The following CCDC92 variants were observed in gnomAD, a reference collection of about 807,000 sequenced individuals.
CCDC92 encodes the protein coiled-coil domain containing 92, also known as coiled-coil domain-containing protein 92.
Under a neutral mutation model 24.9 loss-of-function variants are expected in CCDC92, and 12 were observed. That is an observed-to-expected ratio of 0.48 (90% CI 0.31 to 0.78). CCDC92 has a LOEUF of 0.78. Ranked by LOEUF, CCDC92 falls within the 30% of genes least tolerant of loss-of-function variation. The pLI, the probability that CCDC92 is intolerant of heterozygous loss-of-function variation, is 0.05. For missense variants in CCDC92, 399 were observed against 439.4 expected, an observed-to-expected ratio of 0.91 and a Z score of 0.82; for synonymous variants, 193 against 196.3, an observed-to-expected ratio of 0.98 and a Z score of 0.14.
chr12:123,954,326 G>A (rs1191415824), intron 1 of CCDC92, among the ~76,000 whole-genome samples: 1 of 152,142 alleles, frequency 6.6e-6, no homozygotes, highest in Non-Finnish European at 1.5e-5. Context: ...ATACATTCCT[G>A]TCATTCTCTG....
At chr12:123,956,632 A>C (rs1475841315) in intron 1 of CCDC92, among the ~76,000 whole-genome samples, 3 of 152,238 alleles carry the variant, frequency 2.0e-5, no homozygotes, top group Non-Finnish European at 4.4e-5. Context: ...CAAAACAGCT[A>C]TCCATTAAGA....
At chr12:123,954,843 G>A (rs1458113881) in intron 1 of CCDC92, among the ~76,000 whole-genome samples, 1 of 152,232 alleles carries the variant, frequency 6.6e-6, no homozygotes, top group Non-Finnish European at 1.5e-5. Context: ...CCAGCGGGCG[G>A]CAGACCCCAC....
intron 4 of CCDC92, among the ~76,000 whole-genome samples, chr12:123,938,778 C>T (rs1180605662): frequency 6.6e-6 from 1 of 152,222 alleles, no homozygotes; most frequent in Admixed American, 6.5e-5. Context: ...CCCTCAAGTC[C>T]AGATAGCTGC....
At chr12:123,967,056 C>T (rs1240751005) in intron 1 of CCDC92, among the ~76,000 whole-genome samples, 4 of 152,118 alleles carry the variant, frequency 2.6e-5, no homozygotes, top group Non-Finnish European at 5.9e-5. Flanking sequence ...CACAGTCTTA[C>T]TGTACTAATA....
At chr12:123,949,382 C>G (rs1006660943) in intron 1 of CCDC92, among the ~76,000 whole-genome samples, 2 of 152,258 alleles carry the variant, frequency 1.3e-5, no homozygotes, top group African/African-American at 4.8e-5. Flanking sequence ...ATTTGCTCAA[C>G]CAAAGGCGGC....
At chr12:123,945,630 G>A (rs1955824242) in intron 1 of CCDC92, 1 of 152,246 alleles carries the variant, frequency 6.6e-6, no homozygotes, top group Non-Finnish European at 1.5e-5. Context: ...AGAGCTGTCA[G>A]TAGCGGTGCC....
chr12:123,946,025 C>CCCCGCCATCCATTTCCAGTCCATGATTA, intron 1 of CCDC92: 1 of 153,496 alleles, frequency 6.5e-6, no homozygotes, highest in South Asian at 1.7e-4. Flanking sequence ...TGCTGGCATC[C>CCCCGCCATCCATTTCCAGTCCATGATTA]TGCTTTGAAA....
intron 2 of CCDC92, 140 bp from the exon 3 acceptor site, chr12:123,943,633 G>A: frequency 1.2e-6 from 1 of 857,750 alleles, no homozygotes; most frequent in East Asian, 2.5e-5. Context: ...GGCAGGGTGT[G>A]GGGGCACCAG....
intron 1 of CCDC92, chr12:123,962,749 T>C (rs1375980932): frequency 6.6e-6 from 1 of 152,420 alleles, no homozygotes; most frequent in Non-Finnish European, 1.5e-5. Context: ...GGCCTGCTTC[T>C]GCAGTCTGAC....
intron 1 of CCDC92, chr12:123,962,943 C>A (rs1469464921): frequency 6.6e-6 from 1 of 152,168 alleles, no homozygotes; most frequent in African/African-American, 2.4e-5. Context: ...AATGAAAGAA[C>A]ACGGGGTTCT....
In CCDC92 at chr12:123,937,854, A is replaced by G; in HGVS notation, c.224-24T>C. ...TCCTACAAGAATAAGCCGAGGAAGCAGGTGAAGAACTCATTAGACTGAGGC... is the reference window on the plus strand; with the variant it reads ...TCCTACAAGAATAAGCCGAGGAAGCGGGTGAAGAACTCATTAGACTGAGGC... On this transcript the variant is annotated intron_variant, in intron 4 of 4. Transcript: ENST00000238156. This position sits in a 1 kb window ranked among gnomAD's most constrained non-coding sequence, Gnocchi z 8.4. 6.3e-7 allele frequency: 1 copy of G among 1,582,142 alleles called. No homozygotes were observed. The highest frequency in any genetic ancestry group is 8.5e-7 in the Non-Finnish European group (1 of 1,169,894).
At chr12:123,940,004 C>G (rs1256552078) in intron 4 of CCDC92, among the ~76,000 whole-genome samples, 1 of 152,246 alleles carries the variant, frequency 6.6e-6, no homozygotes, top group Non-Finnish European at 1.5e-5. Flanking sequence ...GGGCTGCAAC[C>G]TCAGACCTTC....
intron 1 of CCDC92, chr12:123,956,401 C>G (rs753139078): frequency 1.3e-5 from 2 of 152,082 alleles, no homozygotes; most frequent in African/African-American, 4.8e-5. Flanking sequence ...AGAGCTCCAG[C>G]GTGGATTATT....
chr12:123,966,173 A>AT (rs1254050266), intron 1 of CCDC92: 1 of 152,204 alleles, frequency 6.6e-6, no homozygotes, highest in East Asian at 1.9e-4. Context: ...ATAAAGCTGT[A>AT]AAGCCCTACA....
intron 1 of CCDC92, among the ~76,000 whole-genome samples, chr12:123,953,044 AG>A (rs1422051875): frequency 6.6e-6 from 1 of 152,186 alleles, no homozygotes; most frequent in Non-Finnish European, 1.5e-5. Context: ...GGGTAAAATG[AG>A]ATTTTTTGTA....
chr12:123,960,468 C>T (rs1315129793), intron 1 of CCDC92, among the ~76,000 whole-genome samples: 4 of 152,236 alleles, frequency 2.6e-5, no homozygotes, highest in Non-Finnish European at 5.9e-5. Flanking sequence ...AGTATCTTCT[C>T]TGGTGCAGCT....
At chr12:123,941,349 C>T (rs1197588554) in intron 4 of CCDC92, among the ~76,000 whole-genome samples, 1 of 152,170 alleles carries the variant, frequency 6.6e-6, no homozygotes, top group Non-Finnish European at 1.5e-5. Flanking sequence ...CCCCAAGAAG[C>T]CCACGGCGCC....
intron 1 of CCDC92, among the ~76,000 whole-genome samples, chr12:123,969,164 C>A (rs1000445188): frequency 1.3e-5 from 2 of 152,178 alleles, no homozygotes; most frequent in Non-Finnish European, 1.5e-5. Flanking sequence ...AACCATCATT[C>A]TCAAGATTGG....
At chr12:123,964,034 C>A (rs976007517) in intron 1 of CCDC92, among the ~76,000 whole-genome samples, 1 of 152,082 alleles carries the variant, frequency 6.6e-6, no homozygotes. Flanking sequence ...TCCATGGTCA[C>A]CAGGAAACCC....
Sources: allele counts gnomAD v4.1 joint callset (sites outside exome capture counted in the v4.1 genomes callset), GRCh38; gene constraint gnomAD v4.1.1; non-coding constraint Gnocchi (gnomAD v3.1); transcripts MANE v1.5; gene names NCBI Gene and HGNC (gene_info 2026-07-23, HGNC 2026-07-21).